The following TMEM181 variants were observed in gnomAD, a reference collection of about 807,000 sequenced individuals.
TMEM181 encodes the protein G protein-coupled receptor 178.
TMEM181 carries 39 observed loss-of-function variants against 71.9 expected under a neutral mutation model. The observed-to-expected ratio is 0.54, with a 90% confidence interval of 0.42 to 0.71. The LOEUF is 0.71. Among genes scored for constraint, TMEM181 ranks in the 30% least tolerant of loss-of-function variants. The probability of loss-of-function intolerance (pLI) is 0.00; values close to 1 mark genes in which losing one functional copy is unlikely to be tolerated. For missense variants in TMEM181, 595 were observed against 583.0 expected, an observed-to-expected ratio of 1.02 and a Z score of -0.21; for synonymous variants, 245 against 228.8, an observed-to-expected ratio of 1.07 and a Z score of -0.64.
chr6:158,622,430 C>T (rs1454858180), intron 10 of TMEM181, among the ~76,000 whole-genome samples: 1 of 152,070 alleles, frequency 6.6e-6, no homozygotes, highest in African/African-American at 2.4e-5. Context: ...GCAGCCATGA[C>T]AGTGTCGGTG....
At chr6:158,573,580 T>C (rs1782998417) in intron 2 of TMEM181, 57 bp downstream of exon 2, 1 of 1,428,034 alleles carries the variant, frequency 7.0e-7, no homozygotes, top group South Asian at 1.2e-5. Context: ...CCCTGGCGTA[T>C]TGCTTTCGGT....
In TMEM181 at chr6:158,600,631, C is replaced by T. The variant is rs188965099; in HGVS notation, c.493-4636C>T. Among the ~76,000 whole-genome samples the T allele has an allele frequency of 6.5e-3, 989 of 151,672 alleles. 9 individuals carry two copies. Among genetic ancestry groups the T allele is most frequent in the African/African-American group, 0.022 (926 of 41,332 alleles). ...GATTACAGGCAAGCACCACCACGCC[C>T]GGCTAATTTTTGTATTTTTAGTAGA... On this transcript the variant is annotated intron_variant, in intron 6 of 16. Coordinates refer to ENST00000684151, the MANE Select transcript of TMEM181 (RefSeq NM_001376852.1).
At chr6:158,607,108 T>G in intron 7 of TMEM181, 136 bp from the exon 8 acceptor site, 1 of 698,030 alleles carries the variant, frequency 1.4e-6, no homozygotes, top group Non-Finnish European at 2.6e-6. Flanking sequence ...CAGCCAGGGC[T>G]TAAGGCAGCG....
chr6:158,559,733 C>T (rs955091125), upstream of TMEM181, among the ~76,000 whole-genome samples: 3 of 152,218 alleles, frequency 2.0e-5, no homozygotes, highest in African/African-American at 7.2e-5. Flanking sequence ...TATAGCTCCT[C>T]TCCCTAGAAA....
At chr6:158,628,309 C>T (rs1786451722) in intron 13 of TMEM181, 99 bp from the exon 14 acceptor site, 12 of 1,115,770 alleles carry the variant, frequency 1.1e-5, no homozygotes, top group Non-Finnish European at 1.6e-5. Flanking sequence ...TCATAGTGTA[C>T]AGACGGAAAG....
At chr6:158,576,799 A>G (rs1783186352) in intron 2 of TMEM181, among the ~76,000 whole-genome samples, 2 of 152,130 alleles carry the variant, frequency 1.3e-5, no homozygotes, top group Non-Finnish European at 2.9e-5. Flanking sequence ...GTGGTGGCTC[A>G]TGCCTGTAAT....
intron 1 of TMEM181, among the ~76,000 whole-genome samples, chr6:158,549,846 C>T (rs140995965): frequency 1.3e-5 from 2 of 151,602 alleles, no homozygotes; most frequent in Admixed American, 6.6e-5. Flanking sequence ...CTTTATGCAA[C>T]GTTGTGGTTT....
rs1161852912 is a variant in TMEM181 at position 158,582,880 on chromosome 6, T to TAC, written c.169-1074_169-1073insAC. On this transcript the variant is annotated intron_variant, in intron 3 of 16. Transcript: ENST00000684151. The stretch of plus-strand genomic sequence containing the variant: ...TCTCCCCAGGGGTGTTAAGATTTTC[T>TAC]TTCAGAAGGCTAAAAATAGCAGACG... Among the ~76,000 whole-genome samples the TAC allele has an allele frequency of 5.3e-5, 8 of 152,300 alleles. No homozygotes were observed. The East Asian group carries it at 1.3e-3, about 26-fold the overall frequency.
At chr6:158,542,050 C>T (rs1189660465) in intron 1 of TMEM181, among the ~76,000 whole-genome samples, 1 of 151,966 alleles carries the variant, frequency 6.6e-6, no homozygotes, top group Non-Finnish European at 1.5e-5. Context: ...AGATTACAGG[C>T]ATGCGCCACT....
At chr6:158,571,498 T>C (rs62437804) in intron 1 of TMEM181, among the ~76,000 whole-genome samples, 4,987 of 97,512 alleles carry the variant, frequency 0.051, 960 homozygotes, top group Middle Eastern at 0.13. Context: ...CGGGGTTTCA[T>C]CGTGTTGGCC....
intron 13 of TMEM181, chr6:158,628,149 A>G (rs1441472865): frequency 6.2e-6 from 4 of 646,246 alleles, no homozygotes; most frequent in Non-Finnish European, 1.1e-5. Context: ...TGGGGCCTGC[A>G]GCAGGGTTCA....
chr6:158,584,542 C>T (rs572020985), intron 4 of TMEM181, among the ~76,000 whole-genome samples: 1 of 152,192 alleles, frequency 6.6e-6, no homozygotes, highest in Non-Finnish European at 1.5e-5. Flanking sequence ...AAACCCTCCC[C>T]TAATGCATCC....
chr6:158,574,451 A>G (rs1472906630), intron 2 of TMEM181, among the ~76,000 whole-genome samples: 1 of 152,112 alleles, frequency 6.6e-6, no homozygotes, highest in Non-Finnish European at 1.5e-5. Context: ...CTTGATTTTC[A>G]CTGCTATCCT....
intron 5 of TMEM181, among the ~76,000 whole-genome samples, chr6:158,589,182 G>T (rs567065010): frequency 2.6e-5 from 4 of 152,336 alleles, no homozygotes; most frequent in African/African-American, 9.6e-5. Flanking sequence ...GAGAGAGCAG[G>T]ATGGAGAGGA....
At chr6:158,599,720 C>T (rs1004297391) in intron 6 of TMEM181, among the ~76,000 whole-genome samples, 1 of 152,176 alleles carries the variant, frequency 6.6e-6, no homozygotes, top group African/African-American at 2.4e-5. Context: ...CCCCAGCTCA[C>T]GGGATCCAGC....
intron 10 of TMEM181, chr6:158,611,345 C>G: frequency 1.9e-6 from 1 of 522,742 alleles, no homozygotes; most frequent in Non-Finnish European, 3.9e-6. Flanking sequence ...GAACTAGTGA[C>G]AGCCTCTCCC....
intron 1 of TMEM181, among the ~76,000 whole-genome samples, chr6:158,568,540 G>A (rs1020943554): frequency 5.3e-5 from 8 of 152,198 alleles, no homozygotes; most frequent in African/African-American, 1.7e-4. Context: ...TCTCCTGTTC[G>A]TAGGCTGTGC....
rs181090256 is a variant in TMEM181, at chr6:158,601,684, G to A, written c.493-3583G>A. On this transcript the variant is annotated intron_variant, in intron 6 of 16. Coordinates refer to ENST00000684151, the MANE Select transcript of TMEM181 (RefSeq NM_001376852.1). ...TGAGGCAGGAGAATCGCTTGAACCT[G>A]GGAGACGGAGGTTGCAGTGAGCCGA... Among the ~76,000 whole-genome samples, 984 of 151,910 alleles carry A rather than the reference G, an allele frequency of 6.5e-3. 5 individuals are homozygous for A. Among genetic ancestry groups the A allele is most frequent in the African/African-American group, 0.022 (908 of 41,400 alleles).
intron 1 of TMEM181, among the ~76,000 whole-genome samples, chr6:158,537,389 G>C (rs977164805): frequency 6.6e-6 from 1 of 152,186 alleles, no homozygotes; most frequent in African/African-American, 2.4e-5. Flanking sequence ...GGATGGGCGC[G>C]GCGGGGAAGA....
Sources: gnomAD v4.1 joint callset for allele counts (sites outside exome capture counted in the v4.1 genomes callset) on GRCh38, gnomAD v4.1.1 for gene constraint, MANE v1.5 for transcripts, NCBI Gene and HGNC (gene_info 2026-07-23, HGNC 2026-07-21) for gene names.